ATXN1: variants seen among roughly 807,000 people sequenced by gnomAD.
ATXN1 encodes ataxin 1.
ATXN1 carries 8 observed loss-of-function variants against 56.4 expected under a neutral mutation model. The observed-to-expected ratio is 0.14, with a 90% confidence interval of 0.08 to 0.26. The LOEUF (loss-of-function observed/expected upper bound fraction) is 0.26, where lower values mean the gene tolerates loss of function less well. Ranked by LOEUF, ATXN1 falls within the 10% of genes least tolerant of loss-of-function variation. The pLI is 1.00. For synonymous variants in ATXN1, 514 were observed against 494.6 expected (o/e 1.04, Z -0.52); for missense variants, 987 against 1,106.5 (o/e 0.89, Z 1.53).
At chr6:16,577,543 G>GAAAAAAAAAA (rs987258246) in intron 4 of ATXN1, among the ~76,000 whole-genome samples, 1 of 146,300 alleles carries the variant, frequency 6.8e-6, no homozygotes. Context: ...AAAAAAAAAG[G>GAAAAAAAAAA]AAAAAAAATC....
At chr6:16,377,708 A>G (rs541242485) in intron 6 of ATXN1, among the ~76,000 whole-genome samples, 1 of 152,338 alleles carries the variant, frequency 6.6e-6, no homozygotes, top group Non-Finnish European at 1.5e-5. Context: ...GGCTGCTGAC[A>G]GGAATGTGGC....
At chr6:16,694,414 C>G (rs1485503024) in intron 2 of ATXN1, among the ~76,000 whole-genome samples, 1 of 151,980 alleles carries the variant, frequency 6.6e-6, no homozygotes, top group Non-Finnish European at 1.5e-5. Flanking sequence ...CCACCACGCC[C>G]AGCTAATTTT....
At chr6:16,701,721 C>A (rs1302371109) in intron 2 of ATXN1, among the ~76,000 whole-genome samples, 3 of 152,086 alleles carry the variant, frequency 2.0e-5, no homozygotes, top group Non-Finnish European at 4.4e-5. Context: ...TCATGAGTGA[C>A]CTCCTATTCA....
rs918281600 is a variant in ATXN1 at position 16,615,041 on chromosome 6, T to C, written c.-488-29134A>G. The C allele has an allele frequency of 8.0e-4, 120 of 150,656 alleles. 3 individuals carry two copies. Among genetic ancestry groups the C allele is most frequent in the African/African-American group, 2.9e-3 (117 of 41,032 alleles). 9.3% of individuals were successfully genotyped at this position (150,656 alleles called of 1,614,324 possible). A position where few individuals can be genotyped will look rare whatever the true frequency, so the allele number is the denominator to read the frequency against. ...TAAAAATCCTGATCAAAAAAATTAT[T>C]ATAGACAAACTTTTAGGGGTGGGGA... is the stretch of plus-strand genomic sequence containing the variant. On this transcript the variant is annotated intron_variant, in intron 3 of 7. Coordinates refer to ENST00000436367, the MANE Select transcript of ATXN1 (RefSeq NM_001128164.2).
intron 4 of ATXN1, among the ~76,000 whole-genome samples, chr6:16,558,553 T>A (rs561839838): frequency 1.6e-4 from 25 of 151,994 alleles, no homozygotes; most frequent in African/African-American, 5.8e-4. Context: ...TATTATTATG[T>A]AAAAACAGGG....
chr6:16,491,982 C>A (rs756599915), intron 5 of ATXN1, among the ~76,000 whole-genome samples: 2 of 152,082 alleles, frequency 1.3e-5, no homozygotes, highest in Non-Finnish European at 1.5e-5. Context: ...GGTCCTACGA[C>A]CACAAGAAAC....
At chr6:16,529,082 G>A (rs1164124576) in intron 4 of ATXN1, among the ~76,000 whole-genome samples, 1 of 151,896 alleles carries the variant, frequency 6.6e-6, no homozygotes, top group African/African-American at 2.4e-5. Context: ...GGGAGGCTGA[G>A]GCAGGAGAAT....
chr6:16,445,459 G>GC (rs1233550297), intron 6 of ATXN1, among the ~76,000 whole-genome samples: 2 of 151,974 alleles, frequency 1.3e-5, no homozygotes, highest in African/African-American at 4.8e-5. Context: ...GGGTGGTGGG[G>GC]CAAAAGCGTT....
chr6:16,321,175 T>C (rs906383555), intron 7 of ATXN1, among the ~76,000 whole-genome samples: 6 of 152,178 alleles, frequency 3.9e-5, no homozygotes, highest in Admixed American at 1.3e-4. Flanking sequence ...ACCTACTTCC[T>C]ACCCAAGGAG....
intron 6 of ATXN1, among the ~76,000 whole-genome samples, chr6:16,346,892 G>T (rs935884335): frequency 6.6e-6 from 1 of 152,242 alleles, no homozygotes; most frequent in Non-Finnish European, 1.5e-5. Context: ...GGAGAGGCGT[G>T]GGTGGGAACC....
At chr6:16,675,172 G>A (rs947990354) in intron 2 of ATXN1, among the ~76,000 whole-genome samples, 9 of 152,228 alleles carry the variant, frequency 5.9e-5, no homozygotes, top group African/African-American at 2.2e-4. Flanking sequence ...TTCCAGGAAT[G>A]TGAGCATACA....
intron 6 of ATXN1, among the ~76,000 whole-genome samples, chr6:16,422,236 C>T (rs966293063): frequency 1.3e-5 from 2 of 152,066 alleles, no homozygotes; most frequent in Non-Finnish European, 1.5e-5. Flanking sequence ...AGTACTCCGG[C>T]GACACACTGA....
chr6:16,668,219 G>A (rs539300643), intron 2 of ATXN1, among the ~76,000 whole-genome samples: 1 of 152,114 alleles, frequency 6.6e-6, no homozygotes, highest in East Asian at 1.9e-4. Flanking sequence ...TATTACTAAA[G>A]TTTTAGGGTA....
At chr6:16,754,176 A>G (rs1760814218) in intron 1 of ATXN1, 1 of 152,216 alleles carries the variant, frequency 6.6e-6, no homozygotes, top group Non-Finnish European at 1.5e-5. Flanking sequence ...ATTCTTAAAT[A>G]CCGGTAATTA....
chr6:16,443,940 C>T (rs928850928), intron 6 of ATXN1, among the ~76,000 whole-genome samples: 4 of 152,082 alleles, frequency 2.6e-5, no homozygotes, highest in Non-Finnish European at 5.9e-5. Flanking sequence ...CACAGTGAAA[C>T]CCCGTCTCTA....
At position 16,305,927 on chromosome 6, in the gene ATXN1, CGCCTGT is replaced by C. The variant is rs1760235085; in HGVS notation, c.*396_*401del. The C allele has an allele frequency of 6.1e-6, 1 of 163,118 alleles. No homozygotes were observed. Among genetic ancestry groups the C allele is most frequent in the African/African-American group, 2.4e-5 (1 of 41,570 alleles). 10.1% of individuals were successfully genotyped at this position (163,118 alleles called of 1,614,324 possible). A position where few individuals can be genotyped will look rare whatever the true frequency, so the allele number is the denominator to read the frequency against. On this transcript the variant is annotated 3_prime_UTR_variant, in exon 8 of 8. Coordinates refer to ENST00000436367, the MANE Select transcript of ATXN1 (RefSeq NM_001128164.2). ...AAGAGACCCTCACTCGCCGCCACAG[CGCCTGT>C]GCACCCCCACATGCGTGCAACCCTG... is the stretch of plus-strand genomic sequence containing the variant.
chr6:16,555,910 TTA>T (rs1762004617), intron 4 of ATXN1, among the ~76,000 whole-genome samples: 1 of 152,236 alleles, frequency 6.6e-6, no homozygotes, highest in Admixed American at 6.5e-5. Context: ...CTGGTATTTA[TTA>T]CTAGAGTAAT....
chr6:16,366,149 GA>G (rs1761914636), intron 6 of ATXN1, among the ~76,000 whole-genome samples: 1 of 152,136 alleles, frequency 6.6e-6, no homozygotes, highest in Admixed American at 6.5e-5. Context: ...GTGATATATG[GA>G]AAAGGGGACC....
In ATXN1 at chr6:16,486,068, C is replaced by T. The variant is rs1760538146; in HGVS notation, c.-257G>A. On this transcript the variant is annotated 5_prime_UTR_variant, in exon 6 of 8. Coordinates refer to ENST00000436367, the MANE Select transcript of ATXN1 (RefSeq NM_001128164.2). ...GAGGGCTCCTGAGGGCTCTTGGGCTCAGGCGTGTTCTTTCTTCCTTTCACA... is the reference window on the plus strand; with the variant it reads ...GAGGGCTCCTGAGGGCTCTTGGGCTTAGGCGTGTTCTTTCTTCCTTTCACA... 2.0e-5 allele frequency: 3 copies of T among 152,156 alleles called. No homozygotes were observed. The highest frequency in any genetic ancestry group is 6.5e-5 in the Admixed American group (1 of 15,276). 9.4% of individuals were successfully genotyped at this position (152,156 alleles called of 1,614,324 possible). A position where few individuals can be genotyped will look rare whatever the true frequency, so the allele number is the denominator to read the frequency against.
Sources: allele counts gnomAD v4.1 joint callset (sites outside exome capture counted in the v4.1 genomes callset), GRCh38; gene constraint gnomAD v4.1.1; transcripts MANE v1.5; gene names NCBI Gene and HGNC (gene_info 2026-07-23, HGNC 2026-07-21).